The following DGKB variants were observed in gnomAD, a reference collection of about 807,000 sequenced individuals.
DGKB encodes the protein diacylglycerol kinase beta.
A neutral mutation model predicts 114.3 loss-of-function variants in DGKB; 67 were observed. The observed-to-expected ratio is 0.59, with a 90% CI of 0.48 to 0.72. DGKB has a LOEUF of 0.72. Among genes scored for constraint, DGKB ranks in the 30% least tolerant of loss-of-function variants. The probability of loss-of-function intolerance (pLI) is 0.00; values close to 1 mark genes in which losing one functional copy is unlikely to be tolerated. For synonymous variants in DGKB, 398 were observed against 323.1 expected, an observed-to-expected ratio of 1.23 and a Z score of -2.49; for missense variants, 907 against 975.2, an observed-to-expected ratio of 0.93 and a Z score of 0.93.
At chr7:14,693,199 A>G (rs1001544274) in intron 9 of DGKB, among the ~76,000 whole-genome samples, 2 of 152,132 alleles carry the variant, frequency 1.3e-5, no homozygotes, top group African/African-American at 4.8e-5. Context: ...TTACAATTTC[A>G]TTGTTCTTTC....
At chr7:14,351,255 T>C (rs920599267) in intron 21 of DGKB, among the ~76,000 whole-genome samples, 2 of 152,216 alleles carry the variant, frequency 1.3e-5, no homozygotes, top group African/African-American at 4.8e-5. Context: ...TTCCTAAACG[T>C]AGTGAGGTAT....
chr7:14,864,870 T>C (rs919981715), intron 1 of DGKB, among the ~76,000 whole-genome samples: 1 of 152,116 alleles, frequency 6.6e-6, no homozygotes, highest in South Asian at 2.1e-4. Flanking sequence ...TAACTATTTT[T>C]AAAATACAAG....
rs75007154 is a variant in DGKB, at chr7:14,290,834, C to T, written c.2122+47681G>A. Among the ~76,000 whole-genome samples, 470 of 152,150 alleles carry T rather than the reference C, an allele frequency of 3.1e-3. 3 individuals are homozygous for T. Among genetic ancestry groups the T allele is most frequent in the African/African-American group, 9.8e-3 (407 of 41,542 alleles). On this transcript the variant is annotated intron_variant, in intron 23 of 25. Coordinates refer to ENST00000402815, the MANE Select transcript of DGKB (RefSeq NM_001350709.2). ...GAGAGTTAGGTAGAGGAATGGCCTG[C>T]TATTACGGACTTAAGTAGAGAATGT...
chr7:14,321,577 A>T (rs1431908597), intron 23 of DGKB, among the ~76,000 whole-genome samples: 1 of 150,728 alleles, frequency 6.6e-6, no homozygotes, highest in East Asian at 1.9e-4. Flanking sequence ...TCAGCCTTGC[A>T]CTGGAGACTT....
chr7:14,773,130 C>T (rs1837660112), intron 2 of DGKB, among the ~76,000 whole-genome samples: 2 of 152,132 alleles, frequency 1.3e-5, no homozygotes, highest in African/African-American at 4.8e-5. Context: ...AAGACAGCAT[C>T]ATTGTATATA....
intron 1 of DGKB, among the ~76,000 whole-genome samples, chr7:14,901,605 A>ACCCCCCCCCCCCCCCCCCCCCCCCCCCCC (rs1300363624): frequency 2.9e-4 from 36 of 123,174 alleles, no homozygotes; most frequent in Non-Finnish European, 3.5e-4. Context: ...AGGGATTTCC[A>ACCCCCCCCCCCCCCCCCCCCCCCCCCCCC]CCCCCCCCCA....
At chr7:14,375,388 A>C (rs1010065757) in intron 21 of DGKB, among the ~76,000 whole-genome samples, 9 of 152,164 alleles carry the variant, frequency 5.9e-5, no homozygotes, top group African/African-American at 1.2e-4. Flanking sequence ...GAGGTAATGA[A>C]CATGTACTAT....
chr7:14,365,669 T>C (rs1019449742), intron 21 of DGKB, among the ~76,000 whole-genome samples: 3 of 152,078 alleles, frequency 2.0e-5, no homozygotes, highest in African/African-American at 7.2e-5. Flanking sequence ...CCAACCTAAG[T>C]TCTATACCAT....
chr7:14,365,813 T>A (rs1816577208), intron 21 of DGKB, among the ~76,000 whole-genome samples: 1 of 152,150 alleles, frequency 6.6e-6, no homozygotes, highest in South Asian at 2.1e-4. Flanking sequence ...AGAAATCTGG[T>A]TGCTAGAGCC....
intron 20 of DGKB, among the ~76,000 whole-genome samples, chr7:14,505,710 A>T (rs966597128): frequency 2.6e-5 from 4 of 152,190 alleles, no homozygotes; most frequent in African/African-American, 9.6e-5. Context: ...AAGTTAGCAG[A>T]CCTTCCTCAA....
chr7:14,647,033 G>C (rs896737599), intron 13 of DGKB, among the ~76,000 whole-genome samples: 2 of 151,062 alleles, frequency 1.3e-5, no homozygotes, highest in African/African-American at 4.9e-5. Context: ...AAAATGAAAA[G>C]TTAGTTTTCT....
At chr7:14,434,170 C>G (rs1828900876) in intron 21 of DGKB, among the ~76,000 whole-genome samples, 1 of 152,102 alleles carries the variant, frequency 6.6e-6, no homozygotes, top group African/African-American at 2.4e-5. Flanking sequence ...TTAAGATGGA[C>G]AAGCAAACTG....
At chr7:14,628,523 T>C (rs1422906174) in intron 14 of DGKB, among the ~76,000 whole-genome samples, 1 of 152,180 alleles carries the variant, frequency 6.6e-6, no homozygotes, top group Non-Finnish European at 1.5e-5. Flanking sequence ...CCATTTCCAA[T>C]TAGAAGATCT....
chr7:14,762,738 G>C (rs1230371419), intron 2 of DGKB, among the ~76,000 whole-genome samples: 1 of 152,058 alleles, frequency 6.6e-6, no homozygotes, highest in Non-Finnish European at 1.5e-5. Flanking sequence ...AAGTAACGGA[G>C]AGATTTAAAG....
chr7:14,473,719 G>A (rs1197864876), intron 21 of DGKB, among the ~76,000 whole-genome samples: 3 of 152,224 alleles, frequency 2.0e-5, no homozygotes. Context: ...CAAGGTCATG[G>A]AAGCCTACTT....
At chr7:14,177,314 C>G (rs936742243) in intron 24 of DGKB, among the ~76,000 whole-genome samples, 5 of 151,936 alleles carry the variant, frequency 3.3e-5, no homozygotes, top group African/African-American at 1.2e-4. Flanking sequence ...GTGCTACAAT[C>G]CGTGGCTTCA....
chr7:14,553,865 CTTTTT>C (rs58879064), intron 20 of DGKB, among the ~76,000 whole-genome samples: 2 of 71,208 alleles, frequency 2.8e-5, no homozygotes, highest in Non-Finnish European at 4.9e-5. Flanking sequence ...CCTTTACATG[CTTTTT>C]TTTTTTTTTT....
rs1554404750 is a variant in DGKB at position 14,392,995 on chromosome 7, G to GTTTTTTTGTTTTTGTTTTTTTT, written c.1836-47605_1836-47604insAAAAAAAACAAAAACAAAAAAA. Among the ~76,000 whole-genome samples, 11 of 60,546 alleles carry GTTTTTTTGTTTTTGTTTTTTTT rather than the reference G, an allele frequency of 1.8e-4. 1 individual carries two copies. Among genetic ancestry groups the GTTTTTTTGTTTTTGTTTTTTTT allele is most frequent in the Middle Eastern group, 0.016 (1 of 64 alleles). The allele number at this position is 60,546 out of a possible 152,430, so 39.7% of individuals were successfully genotyped here. A position where few individuals can be genotyped will look rare whatever the true frequency, so the allele number is the denominator to read the frequency against. ...CAAAACAGACCTGTTTTTTGTTTTT[G>GTTTTTTTGTTTTTGTTTTTTTT]TTTTTTTTTTTTTGAGACGGAGTCT... On this transcript the variant is annotated intron_variant, in intron 21 of 25. Transcript: ENST00000402815.
intron 5 of DGKB, among the ~76,000 whole-genome samples, chr7:14,725,687 C>G (rs540243341): frequency 1.3e-5 from 2 of 151,922 alleles, no homozygotes; most frequent in Non-Finnish European, 2.9e-5. Flanking sequence ...GCTGGAATTA[C>G]AGGTGTCAGC....
Sources: allele counts gnomAD v4.1 joint callset (sites outside exome capture counted in the v4.1 genomes callset), GRCh38; gene constraint gnomAD v4.1.1; transcripts MANE v1.5; gene names NCBI Gene and HGNC (gene_info 2026-07-23, HGNC 2026-07-21).